Variants in TRIM39 observed in about 807,000 individuals in gnomAD.
TRIM39 encodes the protein tripartite motif containing 39, also known as E3 ubiquitin-protein ligase TRIM39.
TRIM39 carries 5 observed loss-of-function variants against 53.6 expected under a neutral mutation model. The observed-to-expected ratio is 0.09, with a 90% confidence interval of 0.05 to 0.20. TRIM39 has a LOEUF of 0.20. Among genes scored for constraint, TRIM39 ranks in the 10% least tolerant of loss-of-function variants. The pLI, the probability that TRIM39 is intolerant of heterozygous loss-of-function variation, is 1.00. For missense variants in TRIM39, 310 were observed against 621.0 expected (o/e 0.50, Z 5.32); for synonymous variants, 196 against 237.6 (o/e 0.82, Z 1.61).
rs1224330554 is a variant in TRIM39 at position 30,338,324 on chromosome 6, GT to G, written c.781-1580del. ...TCTCACTAAGCTTAAACATTTTTAG[GT>G]TTTGATTTAAAGTGAGAGACATGTG... On this transcript the variant is annotated intron_variant, in intron 5 of 7. Transcript: ENST00000396551. The surrounding 1 kb of genome is among the most constrained non-coding windows in gnomAD (Gnocchi z 4.0). 6.6e-6 allele frequency among the ~76,000 whole-genome samples: 1 copy of G among 151,942 alleles called. No individual in the cohort carries two copies. The highest frequency in any genetic ancestry group is 1.5e-5 in the Non-Finnish European group (1 of 67,998).
intron 4 of TRIM39, among the ~76,000 whole-genome samples, chr6:30,334,266 T>A (rs1243728490): frequency 6.6e-6 from 1 of 151,436 alleles, no homozygotes; most frequent in Non-Finnish European, 1.5e-5. Flanking sequence ...CAGTCTCTGC[T>A]TCTCACTTTG....
At position 30,342,026 on chromosome 6, in the gene TRIM39, A is replaced by G. The variant is rs1243672523; in HGVS notation, c.1234A>G (p.Thr412Ala). Residue 412 changes from threonine (T) to alanine (A), a missense_variant, in exon 8 of 8, where the codon ACC becomes GCC. This residue lies in a region of TRIM39 where 75 missense variants were observed against 244.8 expected (regional missense o/e 0.31). Coordinates refer to ENST00000396551, the Ensembl canonical transcript of TRIM39. This position sits in a 1 kb window ranked among gnomAD's most constrained non-coding sequence, Gnocchi z 4.7. ...ATGGAATGGGGACAAATATGCAGCCACCACCACACCTTTTACCCCTTTGCA... is the reference window on the plus strand; with the variant it reads ...ATGGAATGGGGACAAATATGCAGCCGCCACCACACCTTTTACCCCTTTGCA... The G allele has an allele frequency of 6.2e-7, 1 of 1,612,962 alleles. No individual in the cohort carries two copies.
At position 30,328,189 on chromosome 6, in the gene TRIM39, A is replaced by G. The variant is rs370516017; in HGVS notation, c.-160-700A>G. 3.9e-5 allele frequency among the ~76,000 whole-genome samples: 6 copies of G among 152,320 alleles called. No individual in the cohort carries two copies. The East Asian group carries it at 1.2e-3, about 29-fold the overall frequency. ...TCTCTTAATTCGCAACCACTCCAGGACCTATAAGTTGGAGACACACTATGC... is the reference window on the plus strand; with the variant it reads ...TCTCTTAATTCGCAACCACTCCAGGGCCTATAAGTTGGAGACACACTATGC... On this transcript the variant is annotated intron_variant, in intron 1 of 7. Coordinates refer to ENST00000396551, the Ensembl canonical transcript of TRIM39.
chr6:30,340,840 G>C (rs1287756513), intron 7 of TRIM39, among the ~76,000 whole-genome samples: 1 of 152,190 alleles, frequency 6.6e-6, no homozygotes, highest in Non-Finnish European at 1.5e-5. Flanking sequence ...TTTCTAAATA[G>C]AGACCCAGAA....
At chr6:30,326,634 G>A (rs535737214) in exon 1 of TRIM39, 2 of 152,610 alleles carry the variant, frequency 1.3e-5, no homozygotes, top group Non-Finnish European at 2.9e-5. Flanking sequence ...CCAGCGCCCT[G>A]CGGGCAATGG....
chr6:30,336,043 G>C, intron 5 of TRIM39, 68 bp downstream of exon 5: 1 of 1,588,234 alleles, frequency 6.3e-7, no homozygotes, highest in East Asian at 2.3e-5. Flanking sequence ...CCTGGGATTT[G>C]TCAGCCTGGG....
chr6:30,327,951 C>T (rs141246881), intron 1 of TRIM39, among the ~76,000 whole-genome samples: 1 of 152,304 alleles, frequency 6.6e-6, no homozygotes, highest in Non-Finnish European at 1.5e-5. Context: ...ATAGATCTAC[C>T]AAATTTCCTT....
At chr6:30,341,456 A>G (rs1166123710) in intron 7 of TRIM39, 2 of 713,318 alleles carry the variant, frequency 2.8e-6, no homozygotes, top group Non-Finnish European at 5.2e-6. Flanking sequence ...AGAGAGGACC[A>G]GGCGGGAACC....
chr6:30,331,624 A>G (rs1335220052), intron 4 of TRIM39, among the ~76,000 whole-genome samples: 1 of 152,224 alleles, frequency 6.6e-6, no homozygotes. Context: ...ATCTAATGAC[A>G]TTAGGACCAC....
At chr6:30,341,164 C>A (rs1433600325) in intron 7 of TRIM39, among the ~76,000 whole-genome samples, 1 of 149,806 alleles carries the variant, frequency 6.7e-6, no homozygotes, top group African/African-American at 2.5e-5. Context: ...GCTGAGATCA[C>A]ACCACTGCAC....
At chr6:30,326,848 G>C (rs1581985589) in exon 1 of TRIM39, 1 of 152,934 alleles carries the variant, frequency 6.5e-6, no homozygotes, top group East Asian at 1.9e-4. Context: ...CGACACCCCA[G>C]CTTCCACTGA....
intron 7 of TRIM39, among the ~76,000 whole-genome samples, chr6:30,341,157 G>C (rs1787481329): frequency 6.6e-6 from 1 of 150,556 alleles, no homozygotes; most frequent in African/African-American, 2.5e-5. Context: ...GCAGTGAGCT[G>C]AGATCACACC....
chr6:30,331,047 A>G (rs904167876), intron 4 of TRIM39, among the ~76,000 whole-genome samples, 171 bp downstream of exon 4: 2 of 152,212 alleles, frequency 1.3e-5, no homozygotes, highest in South Asian at 2.1e-4. Context: ...AGGTGGGCAG[A>G]TTGCTTGAGC....
Position 30,339,613 on chromosome 6 carries a change from C to T in TRIM39, c.781-295C>T, listed in dbSNP as rs1420956365. On this transcript the variant is annotated intron_variant, in intron 5 of 7. Coordinates refer to ENST00000396551, the Ensembl canonical transcript of TRIM39. This position sits in a 1 kb window ranked among gnomAD's most constrained non-coding sequence, Gnocchi z 4.2. ...GGACAGAGTAAAGAATTGATACAAT[C>T]CCTGTCCCTTATAGGGAGCTCCCAG... Among the ~76,000 whole-genome samples, 1 of 152,166 alleles carries T rather than the reference C, an allele frequency of 6.6e-6. No homozygotes were observed. The highest frequency in any genetic ancestry group is 1.5e-5 in the Non-Finnish European group (1 of 68,028).
At chr6:30,329,811 G>A (rs1231448244) in intron 3 of TRIM39, 41 bp downstream of exon 3, 2 of 1,588,556 alleles carry the variant, frequency 1.3e-6, no homozygotes, top group African/African-American at 2.7e-5. Context: ...GGTAAAAAGG[G>A]AGAAGCGGCA....
At chr6:30,330,145 T>C (rs545740940) in intron 3 of TRIM39, among the ~76,000 whole-genome samples, 1 of 152,340 alleles carries the variant, frequency 6.6e-6, no homozygotes, top group East Asian at 1.9e-4. Context: ...TCACACTGGT[T>C]ATTGGGCATA....
At chr6:30,332,321 A>G (rs1387352223) in intron 4 of TRIM39, among the ~76,000 whole-genome samples, 2 of 152,224 alleles carry the variant, frequency 1.3e-5, no homozygotes, top group African/African-American at 2.4e-5. Context: ...AAAATAAGTA[A>G]TGGCACAAAA....
exon 3 of TRIM39, chr6:30,329,579 G>C: frequency 6.2e-7 from 1 of 1,613,086 alleles, no homozygotes; most frequent in Non-Finnish European, 8.5e-7. Flanking sequence ...AGGCAGTATG[G>C]TGGAAATTGC....
chr6:30,331,251 A>T (rs533837156), intron 4 of TRIM39, among the ~76,000 whole-genome samples: 1 of 151,002 alleles, frequency 6.6e-6, no homozygotes, highest in African/African-American at 2.4e-5. Flanking sequence ...CCTGGGCAAC[A>T]GAGCAAGGCT....
Sources: gnomAD v4.1 joint callset for allele counts (sites outside exome capture counted in the v4.1 genomes callset) on GRCh38, gnomAD v4.1.1 for gene constraint, gnomAD v4.1.1 regional missense constraint, Gnocchi (gnomAD v3.1) non-coding constraint, MANE v1.5 for transcripts, NCBI Gene and HGNC (gene_info 2026-07-23, HGNC 2026-07-21) for gene names.